OSBPL1A: variants seen among roughly 807,000 people sequenced by gnomAD.
The protein encoded by OSBPL1A is oxysterol-binding protein-related protein 1.
OSBPL1A carries 80 observed loss-of-function variants against 137.1 expected under a neutral mutation model. The ratio of observed to expected loss-of-function variants is 0.58; its 90% CI spans 0.49 to 0.70. The LOEUF (loss-of-function observed/expected upper bound fraction) is 0.70, where lower values mean the gene tolerates loss of function less well. OSBPL1A is among the 30% of genes least tolerant of loss of function. OSBPL1A has a pLI of 0.00. For missense variants in OSBPL1A, 970 were observed against 1,129.4 expected, an observed-to-expected ratio of 0.86 and a Z score of 2.02; for synonymous variants, 365 against 389.7, an observed-to-expected ratio of 0.94 and a Z score of 0.75.
intron 15 of OSBPL1A, among the ~76,000 whole-genome samples, chr18:24,278,635 A>G (rs2089894899): frequency 6.6e-6 from 1 of 152,182 alleles, no homozygotes; most frequent in Non-Finnish European, 1.5e-5. Context: ...ATGAACCAAC[A>G]TAACACGTTA....
Position 24,172,366 on chromosome 18 carries a change from G to A in OSBPL1A, c.2201+10C>T, listed in dbSNP as rs1257489572. Reference sequence around the variant, plus strand: ...CTGAAGGAATGGACGAAGTACCCAAGGTGCCTTACTTGTGGTTTATAATTT... The same window carrying A: ...CTGAAGGAATGGACGAAGTACCCAAAGTGCCTTACTTGTGGTTTATAATTT... On this transcript the variant is annotated intron_variant, in intron 22 of 27. Transcript: ENST00000319481. 2 of 1,589,882 alleles carry A rather than the reference G, an allele frequency of 1.3e-6. No homozygotes were observed.
chr18:24,199,761 T>C (rs1183001539), intron 17 of OSBPL1A, among the ~76,000 whole-genome samples: 1 of 152,080 alleles, frequency 6.6e-6, no homozygotes, highest in Non-Finnish European at 1.5e-5. Flanking sequence ...ATTCTAAAAA[T>C]AGGAGATGAG....
chr18:24,364,753 G>A lies in OSBPL1A; in HGVS notation c.282+2139C>T, dbSNP rs2091677069. 2 of 152,106 alleles carry A rather than the reference G, an allele frequency of 1.3e-5. 1 individual carries two copies. The highest frequency in any genetic ancestry group is 4.1e-4 in the South Asian group (2 of 4,822). The allele number at this position is 152,106 out of a possible 1,614,324, so 9.4% of individuals were successfully genotyped here. ...TTGAAAACTTCAGGCCAGGAATGGT[G>A]GCTCATGCCTGTAATCCCGACACTC... On this transcript the variant is annotated intron_variant, in intron 4 of 27. Transcript: ENST00000319481.
At chr18:24,341,927 A>T (rs2091280073) in intron 4 of OSBPL1A, among the ~76,000 whole-genome samples, 1 of 152,228 alleles carries the variant, frequency 6.6e-6, no homozygotes, top group Non-Finnish European at 1.5e-5. Context: ...TGCCAAAATA[A>T]TTCATGTGGT....
chr18:24,310,863 T>G lies in OSBPL1A; in HGVS notation c.1092+1121A>C, dbSNP rs570261939. ...TAAAATATTTAGCATCGTTTTATTT[T>G]TTTACTTGTTTAATGTAATTTTGGC... On this transcript the variant is annotated intron_variant, in intron 13 of 27. Transcript: ENST00000319481. Among the ~76,000 whole-genome samples the G allele has an allele frequency of 1.3e-4, 20 of 152,312 alleles. No individual in the cohort carries two copies. The South Asian group carries it at 3.7e-3, about 28-fold the overall frequency.
At chr18:24,209,178 C>A (rs188117430) in intron 17 of OSBPL1A, among the ~76,000 whole-genome samples, 1 of 152,090 alleles carries the variant, frequency 6.6e-6, no homozygotes, top group Non-Finnish European at 1.5e-5. Context: ...ACTCATGATA[C>A]GTGTATTTGA....
Position 24,389,939 on chromosome 18 carries a change from C to T in OSBPL1A, c.-3+7716G>A, listed in dbSNP as rs189229816. ...CCTGGGTGACAGAGTGAGACTCTGT[C>T]TCAAAAAAATAAAATAAAATAAAAT... On this transcript the variant is annotated intron_variant, in intron 1 of 27. Transcript: ENST00000319481. Among the ~76,000 whole-genome samples the T allele has an allele frequency of 4.9e-4, 74 of 151,612 alleles. No homozygotes were observed. The East Asian group carries it at 7.4e-3, about 15-fold the overall frequency.
intron 16 of OSBPL1A, among the ~76,000 whole-genome samples, chr18:24,227,761 TC>T (rs1037901898): frequency 3.3e-5 from 5 of 152,128 alleles, no homozygotes; most frequent in African/African-American, 1.2e-4. Context: ...GTGGTTCCAC[TC>T]CAACATTTTG....
intron 24 of OSBPL1A, 84 bp from the exon 25 acceptor site, chr18:24,167,529 C>T: frequency 9.1e-7 from 1 of 1,101,700 alleles, no homozygotes; most frequent in Non-Finnish European, 1.4e-6. Flanking sequence ...TTTCAGTCAA[C>T]AACAGACTGT....
At chr18:24,318,043 T>TA (rs2090768349) in intron 9 of OSBPL1A, among the ~76,000 whole-genome samples, 1 of 152,160 alleles carries the variant, frequency 6.6e-6, no homozygotes, top group Non-Finnish European at 1.5e-5. Context: ...CATAAAAACT[T>TA]AGTCACCTAA....
At chr18:24,246,949 G>GA (rs1300347548) in intron 15 of OSBPL1A, among the ~76,000 whole-genome samples, 3 of 151,982 alleles carry the variant, frequency 2.0e-5, no homozygotes, top group East Asian at 1.9e-4. Context: ...TGTGATATAA[G>GA]AAAAAAAGGA....
chr18:24,306,077 G>C (rs577373989), intron 13 of OSBPL1A, among the ~76,000 whole-genome samples: 1 of 152,278 alleles, frequency 6.6e-6, no homozygotes, highest in South Asian at 2.1e-4. Context: ...TACATAAATG[G>C]AATCTCACTA....
intron 14 of OSBPL1A, among the ~76,000 whole-genome samples, chr18:24,295,886 A>G (rs1454560806): frequency 6.6e-6 from 1 of 151,336 alleles, no homozygotes; most frequent in Non-Finnish European, 1.5e-5. Flanking sequence ...AACAGTAACC[A>G]TGATGTTTTT....
chr18:24,213,292 GCA>G (rs2087598000), intron 17 of OSBPL1A, among the ~76,000 whole-genome samples: 1 of 152,184 alleles, frequency 6.6e-6, no homozygotes, highest in Non-Finnish European at 1.5e-5. Flanking sequence ...ATGTGGCCAG[GCA>G]CAGTGGCTCA....
intron 7 of OSBPL1A, among the ~76,000 whole-genome samples, chr18:24,319,073 T>G (rs1175793172): frequency 6.6e-6 from 1 of 152,188 alleles, no homozygotes; most frequent in Non-Finnish European, 1.5e-5. Flanking sequence ...ACAATACAAA[T>G]TTATTATCTT....
intron 4 of OSBPL1A, among the ~76,000 whole-genome samples, chr18:24,343,213 C>CTA (rs1313569719): frequency 5.3e-5 from 8 of 151,980 alleles, no homozygotes; most frequent in Non-Finnish European, 7.4e-5. Context: ...AAAAACAATT[C>CTA]TATTTATAGT....
chr18:24,196,038 C>T (rs2087020981), intron 18 of OSBPL1A, 87 bp downstream of exon 18: 2 of 1,103,616 alleles, frequency 1.8e-6, no homozygotes, highest in Non-Finnish European at 2.7e-6. Context: ...TCGTGCACCA[C>T]TTTAATGCAA....
At chr18:24,195,157 C>G (rs1408567791) in intron 18 of OSBPL1A, among the ~76,000 whole-genome samples, 1 of 151,900 alleles carries the variant, frequency 6.6e-6, no homozygotes, top group African/African-American at 2.4e-5. Flanking sequence ...AAAAATTAGC[C>G]AGGTGTGGCA....
At chr18:24,180,145 T>A (rs972293144) in intron 19 of OSBPL1A, among the ~76,000 whole-genome samples, 4 of 152,206 alleles carry the variant, frequency 2.6e-5, no homozygotes, top group Non-Finnish European at 4.4e-5. Flanking sequence ...CATTTAAAAA[T>A]TTTTAAAAGT....
Sources: gnomAD v4.1 joint callset for allele counts (sites outside exome capture counted in the v4.1 genomes callset) on GRCh38, gnomAD v4.1.1 for gene constraint, MANE v1.5 for transcripts, NCBI Gene and HGNC (gene_info 2026-07-23, HGNC 2026-07-21) for gene names.